Variants in CACNG6 observed in about 807,000 individuals in gnomAD.
CACNG6 encodes calcium voltage-gated channel auxiliary subunit gamma 6.
Under a neutral mutation model 23.9 loss-of-function variants are expected in CACNG6, and 21 were observed. The ratio of observed to expected loss-of-function variants is 0.88; its 90% confidence interval spans 0.62 to 1.26. The LOEUF is 1.26. Among genes scored for constraint, CACNG6 ranks in the 50% most tolerant of loss-of-function variants. The pLI is 0.00. For synonymous variants in CACNG6, 182 were observed against 168.9 expected, an observed-to-expected ratio of 1.08 and a Z score of -0.60; for missense variants, 340 against 352.9, an observed-to-expected ratio of 0.96 and a Z score of 0.29.
chr19:54,007,952 T>C (rs1201419055), intron 3 of CACNG6, among the ~76,000 whole-genome samples: 1 of 146,402 alleles, frequency 6.8e-6, no homozygotes, highest in African/African-American at 2.5e-5. Flanking sequence ...TGAAGGGGAG[T>C]CCTTGTCTAA....
chr19:54,001,505 A>G lies in CACNG6; in HGVS notation c.544+1734A>G, dbSNP rs1415633914. On this transcript the variant is annotated intron_variant, in intron 3 of 3. Coordinates refer to ENST00000252729, the MANE Select transcript of CACNG6 (RefSeq NM_145814.2). ...CGCCCGGCCAAGACTTTCATAAAAC[A>G]CTTTTATATCAACACCTTCCTGTGC... 3.3e-5 allele frequency among the ~76,000 whole-genome samples: 5 copies of G among 152,148 alleles called. No individual in the cohort carries two copies. In the East Asian group the frequency reaches 9.6e-4, roughly 29 times the overall value.
At chr19:54,003,132 C>T (rs998035883) in intron 3 of CACNG6, among the ~76,000 whole-genome samples, 4 of 152,102 alleles carry the variant, frequency 2.6e-5, no homozygotes, top group African/African-American at 9.7e-5. Context: ...TTAGTGAAGG[C>T]GTCCCTTTGA....
At chr19:53,998,872 G>A (rs906117172) in intron 2 of CACNG6, among the ~76,000 whole-genome samples, 4 of 151,946 alleles carry the variant, frequency 2.6e-5, no homozygotes, top group Admixed American at 2.0e-4. Context: ...CGGGCAAGTC[G>A]CAGCCCCTCT....
intron 3 of CACNG6, among the ~76,000 whole-genome samples, chr19:54,011,223 T>TAC (rs1156440499): frequency 9.2e-6 from 1 of 108,684 alleles, no homozygotes; most frequent in African/African-American, 4.5e-5. Flanking sequence ...TATATATATA[T>TAC]ATATACACAC....
chr19:53,994,552 A>C (rs1291605992), intron 1 of CACNG6, among the ~76,000 whole-genome samples: 3 of 151,790 alleles, frequency 2.0e-5, no homozygotes, highest in African/African-American at 7.3e-5. Context: ...AATACCTGGC[A>C]CTCCTCAGAG....
chr19:54,011,227 T>TATACAC (rs1442985544), intron 3 of CACNG6, among the ~76,000 whole-genome samples: 1 of 95,326 alleles, frequency 1.0e-5, no homozygotes, highest in Non-Finnish European at 1.8e-5. Context: ...TATATATATA[T>TATACAC]ACACACACAC....
chr19:54,004,271 C>T (rs2069610812), intron 3 of CACNG6, among the ~76,000 whole-genome samples: 1 of 151,858 alleles, frequency 6.6e-6, no homozygotes, highest in Non-Finnish European at 1.5e-5. Context: ...AGCGAGTCTC[C>T]TGCCTCAGCC....
At chr19:54,009,455 A>G (rs567274407) in intron 3 of CACNG6, among the ~76,000 whole-genome samples, 1 of 151,726 alleles carries the variant, frequency 6.6e-6, no homozygotes, top group African/African-American at 2.4e-5. Context: ...ATCTAAAAAA[A>G]AAAAAAAAAA....
intron 1 of CACNG6, 82 bp downstream of exon 1, chr19:53,993,290 G>A: frequency 1.5e-6 from 2 of 1,374,262 alleles, no homozygotes; most frequent in Non-Finnish European, 1.9e-6. Flanking sequence ...GAGAAAACCC[G>A]CCCCAGGGAC....
intron 2 of CACNG6, 58 bp downstream of exon 2, chr19:53,998,371 A>G: frequency 1.3e-6 from 2 of 1,492,752 alleles, no homozygotes; most frequent in South Asian, 1.1e-5. Context: ...AGCGTGCTGG[A>G]GGAGTTCTAG....
Position 54,012,520 on chromosome 19 carries a change from G to A in CACNG6, c.*331G>A, listed in dbSNP as rs1238543388. 2 of 230,396 alleles carry A rather than the reference G, an allele frequency of 8.7e-6. No homozygotes were observed. Among genetic ancestry groups the A allele is most frequent in the South Asian group, 1.8e-4 (1 of 5,510 alleles). 14.3% of individuals were successfully genotyped at this position (230,396 alleles called of 1,614,324 possible). ...AGGGGGTCTTGGGTGGGAGTTGGGG[G>A]CCCCTTCATTTCCCAGGTCTGGATC... On this transcript the variant is annotated 3_prime_UTR_variant, in exon 4 of 4. Coordinates refer to ENST00000252729, the MANE Select transcript of CACNG6 (RefSeq NM_145814.2).
At chr19:54,008,822 T>C (rs1334585166) in intron 3 of CACNG6, among the ~76,000 whole-genome samples, 1 of 152,218 alleles carries the variant, frequency 6.6e-6, no homozygotes, top group African/African-American at 2.4e-5. Flanking sequence ...CTTTCATGCA[T>C]CACCCTCTGA....
At chr19:54,008,656 T>C (rs456034) in intron 3 of CACNG6, among the ~76,000 whole-genome samples, 113,617 of 151,760 alleles carry the variant, frequency 0.75, 43,201 homozygotes, top group East Asian at 0.95. Flanking sequence ...GACCCTCGCG[T>C]CAGCACCTCC....
intron 3 of CACNG6, among the ~76,000 whole-genome samples, chr19:54,002,837 T>C (rs776149847): frequency 1.3e-5 from 2 of 152,150 alleles, no homozygotes; most frequent in Non-Finnish European, 2.9e-5. Context: ...GGTTGGGATT[T>C]TGAGGTCTCC....
intron 1 of CACNG6, among the ~76,000 whole-genome samples, chr19:53,996,722 C>A (rs953805713): frequency 6.6e-6 from 1 of 152,000 alleles, no homozygotes; most frequent in Non-Finnish European, 1.5e-5. Flanking sequence ...ATTTTTTCCT[C>A]GTTCTTTTCC....
Position 54,002,267 on chromosome 19 carries a change from G to GTT in CACNG6, c.544+2502_544+2503dup, listed in dbSNP as rs138464456. Among the ~76,000 whole-genome samples the GTT allele has an allele frequency of 6.7e-3, 885 of 131,790 alleles. 58 individuals carry two copies. The highest frequency in any genetic ancestry group is 0.028 in the African/African-American group (847 of 29,944). The allele number at this position is 131,790 out of a possible 152,430, so 86.5% of individuals were successfully genotyped here. A position where few individuals can be genotyped will look rare whatever the true frequency, so the allele number is the denominator to read the frequency against. ...TGCCGCCAAGCCCGGCTAATTTTCG[G>GTT]TTTTTTTGTTTTTTTTGTTTTTTTT... On this transcript the variant is annotated intron_variant, in intron 3 of 3. Coordinates refer to ENST00000252729, the MANE Select transcript of CACNG6 (RefSeq NM_145814.2).
chr19:54,003,336 C>G (rs2069599674), intron 3 of CACNG6, among the ~76,000 whole-genome samples: 1 of 152,052 alleles, frequency 6.6e-6, no homozygotes, highest in African/African-American at 2.4e-5. Flanking sequence ...CCGCAGGAGC[C>G]AGACCCGCAT....
chr19:54,011,283 C>A (rs2069709811), intron 3 of CACNG6, among the ~76,000 whole-genome samples: 1 of 145,304 alleles, frequency 6.9e-6, no homozygotes, highest in Non-Finnish European at 1.5e-5. Context: ...GTGTGTAATC[C>A]CAGCCACTCA....
At position 54,003,107 on chromosome 19, in the gene CACNG6, T is replaced by C. The variant is rs287133; in HGVS notation, c.544+3336T>C. 9.3e-3 allele frequency among the ~76,000 whole-genome samples: 1,421 copies of C among 152,176 alleles called. 33 individuals are homozygous for C. Among genetic ancestry groups the C allele is most frequent in the African/African-American group, 0.032 (1,334 of 41,516 alleles). ...TGTATGACAGGAGACCCACTGTAGA[T>C]TTAGGTGGCAGTGGTTAGTGAAGGC... is the stretch of plus-strand genomic sequence containing the variant. On this transcript the variant is annotated intron_variant, in intron 3 of 3. Transcript: ENST00000252729.
Sources: gnomAD v4.1 joint callset for allele counts (sites outside exome capture counted in the v4.1 genomes callset) on GRCh38, gnomAD v4.1.1 for gene constraint, MANE v1.5 for transcripts, NCBI Gene and HGNC (gene_info 2026-07-23, HGNC 2026-07-21) for gene names.